The following HTR1F variants were observed in gnomAD, a reference collection of about 807,000 sequenced individuals.
The protein encoded by HTR1F is 5-hydroxytryptamine (serotonin) receptor 1F, G protein-coupled.
Under a neutral mutation model 24.0 loss-of-function variants are expected in HTR1F, and 17 were observed. The ratio of observed to expected loss-of-function variants is 0.71; its 90% CI spans 0.48 to 1.06. HTR1F has a LOEUF of 1.06. Among genes scored for constraint, HTR1F ranks in the 50% least tolerant of loss-of-function variants. HTR1F has a pLI of 0.00. For missense variants in HTR1F, 391 were observed against 427.8 expected (o/e 0.91, Z 0.76); for synonymous variants, 186 against 156.8 (o/e 1.19, Z -1.39).
chr3:87,892,364 A>G (rs1706103732), intron 2 of HTR1F, among the ~76,000 whole-genome samples: 1 of 151,838 alleles, frequency 6.6e-6, no homozygotes, highest in South Asian at 2.1e-4. Flanking sequence ...TAACATTTTT[A>G]TTTCCATTGA....
chr3:87,809,626 C>T (rs576647070), intron 1 of HTR1F, among the ~76,000 whole-genome samples: 17 of 151,998 alleles, frequency 1.1e-4, no homozygotes, highest in Middle Eastern at 3.4e-3. Context: ...TTCAGCATTC[C>T]ATATTCTTAT....
At chr3:87,845,190 T>C (rs1704911470) in intron 2 of HTR1F, among the ~76,000 whole-genome samples, 1 of 151,624 alleles carries the variant, frequency 6.6e-6, no homozygotes, top group African/African-American at 2.4e-5. Flanking sequence ...GGATGCCCTC[T>C]CTCACCACTC....
At chr3:87,935,875 G>A (rs527441233) in intron 2 of HTR1F, among the ~76,000 whole-genome samples, 1 of 151,510 alleles carries the variant, frequency 6.6e-6, no homozygotes, top group African/African-American at 2.4e-5. Flanking sequence ...TTTTTAGATG[G>A]AGTCTCGCTC....
chr3:87,914,793 G>A lies in HTR1F; in HGVS notation c.-42-75915G>A, dbSNP rs138052701. 4.6e-3 allele frequency among the ~76,000 whole-genome samples: 698 copies of A among 152,024 alleles called. 6 individuals are homozygous for A. The highest frequency in any genetic ancestry group is 0.013 in the African/African-American group (544 of 41,454). Reference sequence around the variant, plus strand: ...CTGAAGACAAGGGGAATATACTCTTGGGAGTTCTAGGGCCCCACCCACCAC... The same window carrying A: ...CTGAAGACAAGGGGAATATACTCTTAGGAGTTCTAGGGCCCCACCCACCAC... On this transcript the variant is annotated intron_variant, in intron 2 of 2. Transcript: ENST00000319595.
intron 2 of HTR1F, among the ~76,000 whole-genome samples, chr3:87,841,924 A>AAAG (rs1704816684): frequency 1.9e-5 from 1 of 51,706 alleles, no homozygotes; most frequent in African/African-American, 3.8e-4. Context: ...AAAGAAAAAG[A>AAAG]AAAAAAAAAA....
chr3:87,939,303 A>C (rs1242086165), intron 2 of HTR1F, among the ~76,000 whole-genome samples: 1 of 152,100 alleles, frequency 6.6e-6, no homozygotes, highest in East Asian at 1.9e-4. Context: ...TTTCGCGTTG[A>C]TGTTCATCAG....
intron 2 of HTR1F, among the ~76,000 whole-genome samples, chr3:87,983,805 G>T (rs1357245304): frequency 6.6e-6 from 1 of 152,140 alleles, no homozygotes; most frequent in African/African-American, 2.4e-5. Context: ...TTTTATTCCA[G>T]TTACCTTTTG....
chr3:87,837,637 G>A (rs1704708145), intron 2 of HTR1F, among the ~76,000 whole-genome samples: 1 of 151,996 alleles, frequency 6.6e-6, no homozygotes, highest in African/African-American at 2.4e-5. Flanking sequence ...TTTAACAGTA[G>A]AAATAGATGA....
Position 87,923,775 on chromosome 3 carries a change from AT to A in HTR1F, c.-42-66930del, listed in dbSNP as rs542947477. Among the ~76,000 whole-genome samples the A allele has an allele frequency of 1.4e-3, 215 of 151,920 alleles. 1 individual carries two copies. Among genetic ancestry groups the A allele is most frequent in the Middle Eastern group, 0.014 (4 of 294 alleles). On this transcript the variant is annotated intron_variant, in intron 2 of 2. Coordinates refer to ENST00000319595, the MANE Select transcript of HTR1F (RefSeq NM_001322209.2). ...AAGATTTATTTTTCTCCTTCCTTCT[AT>A]TTATGTGATATATCACATTTATTGA...
chr3:87,967,251 A>G (rs2107489299), intron 2 of HTR1F, among the ~76,000 whole-genome samples: 1 of 152,264 alleles, frequency 6.6e-6, no homozygotes, highest in African/African-American at 2.4e-5. Flanking sequence ...GGAGTTTGAG[A>G]TCAGCCTTGC....
At chr3:87,810,765 T>G (rs1704146633) in intron 1 of HTR1F, among the ~76,000 whole-genome samples, 1 of 152,198 alleles carries the variant, frequency 6.6e-6, no homozygotes, top group Non-Finnish European at 1.5e-5. Flanking sequence ...CTCAGGTAGA[T>G]GAGGAACTAC....
chr3:87,864,983 A>AT (rs1442091847), intron 2 of HTR1F, among the ~76,000 whole-genome samples: 2 of 151,460 alleles, frequency 1.3e-5, no homozygotes, highest in East Asian at 3.9e-4. Context: ...CAATGTTTTG[A>AT]TTTTTTTCCA....
At chr3:87,820,175 A>ATTTT (rs1370534998) in intron 1 of HTR1F, among the ~76,000 whole-genome samples, 3 of 130,644 alleles carry the variant, frequency 2.3e-5, no homozygotes, top group Admixed American at 7.8e-5. Flanking sequence ...ATCATGACCC[A>ATTTT]TTTTTTTTTT....
At chr3:87,842,873 C>T (rs1704839501) in intron 2 of HTR1F, among the ~76,000 whole-genome samples, 1 of 151,830 alleles carries the variant, frequency 6.6e-6, no homozygotes, top group Non-Finnish European at 1.5e-5. Flanking sequence ...TTGTTAAAAG[C>T]TGTAAAATGC....
intron 1 of HTR1F, among the ~76,000 whole-genome samples, chr3:87,800,265 T>C (rs1703971168): frequency 6.6e-6 from 1 of 152,134 alleles, no homozygotes; most frequent in Admixed American, 6.5e-5. Flanking sequence ...TTCCTCTGAA[T>C]TTCTGCTCCA....
Position 87,849,483 on chromosome 3 carries a change from T to C in HTR1F, c.-43+27359T>C, listed in dbSNP as rs559681577. 1.1e-3 allele frequency among the ~76,000 whole-genome samples: 167 copies of C among 152,004 alleles called. No homozygotes were observed. In the South Asian group the frequency reaches 0.027, roughly 25 times the overall value. ...CAAGATGGATTAAAGACTTACATGT[T>C]AGACCTAAAACCATAAAAACCCTAT... On this transcript the variant is annotated intron_variant, in intron 2 of 2. Coordinates refer to ENST00000319595, the MANE Select transcript of HTR1F (RefSeq NM_001322209.2).
At chr3:87,835,125 G>A (rs1704656317) in intron 2 of HTR1F, among the ~76,000 whole-genome samples, 1 of 152,066 alleles carries the variant, frequency 6.6e-6, no homozygotes, top group Admixed American at 6.5e-5. Context: ...TTTCGTTCTG[G>A]ACCAAACATC....
intron 2 of HTR1F, among the ~76,000 whole-genome samples, chr3:87,928,566 T>C (rs1576043205): frequency 6.6e-6 from 1 of 152,204 alleles, no homozygotes; most frequent in Non-Finnish European, 1.5e-5. Flanking sequence ...ACAATCTATG[T>C]AGCAGACCCA....
At chr3:87,908,256 T>C (rs1327324509) in intron 2 of HTR1F, among the ~76,000 whole-genome samples, 1 of 151,928 alleles carries the variant, frequency 6.6e-6, no homozygotes, top group Non-Finnish European at 1.5e-5. Flanking sequence ...ATAAATACCA[T>C]GTAAGAAAAC....
Sources: gnomAD v4.1 joint callset for allele counts (sites outside exome capture counted in the v4.1 genomes callset) on GRCh38, gnomAD v4.1.1 for gene constraint, MANE v1.5 for transcripts, NCBI Gene and HGNC (gene_info 2026-07-23, HGNC 2026-07-21) for gene names.